The following COX5B variants were observed in gnomAD, a reference collection of about 807,000 sequenced individuals.
COX5B encodes cytochrome c oxidase subunit 5B.
A neutral mutation model predicts 16.2 loss-of-function variants in COX5B; 8 were observed. The observed-to-expected ratio is 0.49, with a 90% CI of 0.29 to 0.89. The LOEUF (loss-of-function observed/expected upper bound fraction) is 0.89. Among genes scored for constraint, COX5B ranks in the 40% least tolerant of loss-of-function variants. COX5B has a pLI of 0.08. For synonymous variants in COX5B, 65 were observed against 67.6 expected, an observed-to-expected ratio of 0.96 and a Z score of 0.19; for missense variants, 161 against 168.7, an observed-to-expected ratio of 0.95 and a Z score of 0.25.
chr2:97,646,944 G>C (rs1674668356), intron 1 of COX5B, 123 bp from the exon 2 acceptor site: 1 of 908,160 alleles, frequency 1.1e-6, no homozygotes, highest in Non-Finnish European at 1.7e-6. Context: ...GCCTTTAGGA[G>C]CTTGTGAGCC....
At chr2:97,646,654 C>G (rs1383280145) in intron 1 of COX5B, 4 of 213,266 alleles carry the variant, frequency 1.9e-5, no homozygotes, top group Non-Finnish European at 2.9e-5. Flanking sequence ...TCAAGACCAG[C>G]CTGGCCAACA....
chr2:97,647,316 TTTG>T, intron 2 of COX5B, 25 bp from the exon 3 acceptor site: 1 of 1,597,276 alleles, frequency 6.3e-7, no homozygotes, highest in Non-Finnish European at 8.5e-7. Flanking sequence ...TTTTTTTTGT[TTTG>T]TTTTGTTTTT....
In COX5B at chr2:97,647,068, T is replaced by C. The variant is rs1328002568; in HGVS notation, c.105T>C (p.Gly35=). ...AAAMRSMASG[G]GVPTDEEQAT... is the part of the protein sequence containing the mutation. ...ATAATTCACGTTATCTTCCTTTAGG[T>C]GGTGTTCCCACTGATGAAGAGCAGG... Residue 35 remains glycine, a splice_region_variant and synonymous_variant, in exon 2 of 4, where the codon GGT becomes GGC. Coordinates refer to ENST00000258424, the MANE Select transcript of COX5B (RefSeq NM_001862.3). 1 of 1,613,978 alleles carries C rather than the reference T, an allele frequency of 6.2e-7. No homozygotes were observed. Among genetic ancestry groups the C allele is most frequent in the Admixed American group, 1.7e-5 (1 of 60,018 alleles).
At chr2:97,647,176 C>A (rs748680287) in intron 2 of COX5B, 36 bp downstream of exon 2, 1 of 1,605,112 alleles carries the variant, frequency 6.2e-7, no homozygotes, top group South Asian at 1.1e-5. Context: ...TTCTGTGTAA[C>A]TTATGGCCTT....
rs997896123 is a variant in COX5B at position 97,647,330 on chromosome 2, T to G, written c.178-14T>G. 8.1e-6 allele frequency: 13 copies of G among 1,604,610 alleles called. No homozygotes were observed. Among genetic ancestry groups the G allele is most frequent in the African/African-American group, 1.4e-5 (1 of 74,028 alleles). ...GTTTTTTTTGTTTTGTTTTGTTTTT[T>G]GTTTTTTCTTCAGGACCCATACAAT... On this transcript the variant is annotated splice_polypyrimidine_tract_variant and intron_variant, in intron 2 of 3. Transcript: ENST00000258424.
chr2:97,646,854 A>C, intron 1 of COX5B: 1 of 445,546 alleles, frequency 2.2e-6, no homozygotes, highest in Admixed American at 3.4e-5. Context: ...GTCTCAAAAA[A>C]GAAAAAAAAA....
chr2:97,646,164 C>T lies in COX5B; in HGVS notation c.78C>T (p.Ala26=), dbSNP rs1221719594. The change falls in exon 1 of 4, where the codon GCC becomes GCT. Residue 26 remains alanine, a synonymous_variant. Coordinates refer to ENST00000258424, the MANE Select transcript of COX5B (RefSeq NM_001862.3). The part of the protein sequence containing the change: ...ALRARGPSGA[A]AMRSMASGGG... ...GGGCTCGCGGCCCCAGTGGCGCGGC[C>T]GCGATGCGCTCCATGGCATCTGGAG... The T allele has an allele frequency of 1.3e-6, 2 of 1,550,964 alleles. No individual in the cohort carries two copies. Among genetic ancestry groups the T allele is most frequent in the African/African-American group, 2.7e-5 (2 of 73,030 alleles).
In COX5B at chr2:97,646,146, C is replaced by T. The variant is rs1344720855; in HGVS notation, c.60C>T (p.Arg20=). Residue 20 remains arginine (R), a synonymous_variant, in exon 1 of 4, where the codon CGC becomes CGT. Transcript: ENST00000258424. Reference sequence around the variant, plus strand: ...TGGCCGCGCAGGCCCTGAGGGCTCGCGGCCCCAGTGGCGCGGCCGCGATGC... The same window carrying T: ...TGGCCGCGCAGGCCCTGAGGGCTCGTGGCCCCAGTGGCGCGGCCGCGATGC... ...GTLAAQALRA[R]GPSGAAAMRS... is the part of the protein sequence containing the mutation. 7.1e-6 allele frequency: 11 copies of T among 1,555,684 alleles called. No individual in the cohort carries two copies. The highest frequency in any genetic ancestry group is 9.6e-6 in the Non-Finnish European group (11 of 1,149,508).
At chr2:97,646,886 T>G in intron 1 of COX5B, 181 bp from the exon 2 acceptor site, 2 of 551,564 alleles carry the variant, frequency 3.6e-6, no homozygotes, top group Admixed American at 3.1e-5. Flanking sequence ...TGCTGCCGCT[T>G]GTGTGGATGG....
rs933306587 is a variant in COX5B at position 97,646,200 on chromosome 2, C to T, written c.103+11C>T. The T allele has an allele frequency of 5.2e-6, 8 of 1,526,762 alleles. No homozygotes were observed. The highest frequency in any genetic ancestry group is 1.4e-5 in the African/African-American group (1 of 72,176). The allele number at this position is 1,526,762 out of a possible 1,614,324, so 94.6% of individuals were successfully genotyped here. ...CCATGGCATCTGGAGGTACTCGGGT[C>T]TCCGGGCGTGCCAGGGACCAGAGTG... On this transcript the variant is annotated intron_variant, in intron 1 of 3. Coordinates refer to ENST00000258424, the MANE Select transcript of COX5B (RefSeq NM_001862.3).
chr2:97,646,198 G>C lies in COX5B; in HGVS notation c.103+9G>C. 1 of 1,527,732 alleles carries C rather than the reference G, an allele frequency of 6.5e-7. No homozygotes were observed. The highest frequency in any genetic ancestry group is 8.8e-7 in the Non-Finnish European group (1 of 1,131,970). 94.6% of individuals were successfully genotyped at this position (1,527,732 alleles called of 1,614,324 possible). A position where few individuals can be genotyped will look rare whatever the true frequency, so the allele number is the denominator to read the frequency against. ...CTCCATGGCATCTGGAGGTACTCGG[G>C]TCTCCGGGCGTGCCAGGGACCAGAG... On this transcript the variant is annotated intron_variant, in intron 1 of 3. Coordinates refer to ENST00000258424, the MANE Select transcript of COX5B (RefSeq NM_001862.3).
rs1573173469 is a variant in COX5B at position 97,646,102 on chromosome 2, C to T, written c.16C>T (p.Leu6Phe). 6.4e-7 allele frequency: 1 copy of T among 1,556,280 alleles called. No homozygotes were observed. Among genetic ancestry groups the T allele is most frequent in the Non-Finnish European group, 8.7e-7 (1 of 1,149,610 alleles). Reference sequence around the variant, plus strand: ...CGCGGACGCAATGGCTTCAAGGTTACTTCGCGGAGCTGGAACGCTGGCCGC... The same window carrying T: ...CGCGGACGCAATGGCTTCAAGGTTATTTCGCGGAGCTGGAACGCTGGCCGC... The part of the protein sequence containing the change: MASRL[L>F]RGAGTLAAQA... The change falls in exon 1 of 4, where the codon CTT (leucine) becomes TTT (phenylalanine). Residue 6 changes from leucine to phenylalanine, a missense_variant. Leu to Phe is a conservative substitution (Grantham distance 22). Transcript: ENST00000258424.
chr2:97,648,167 A>G lies in COX5B; in HGVS notation c.*59A>G. On this transcript the variant is annotated 3_prime_UTR_variant, in exon 4 of 4. Transcript: ENST00000258424. ...AAGTTTCTTCTTTCCAGTAAAGACT[A>G]GCCATTGCATTGGCTCCTTCTCCCA... The G allele has an allele frequency of 1.4e-6, 2 of 1,396,318 alleles. 1 individual carries two copies. The highest frequency in any genetic ancestry group is 2.7e-5 in the South Asian group (2 of 73,790). The allele number at this position is 1,396,318 out of a possible 1,614,324, so 86.5% of individuals were successfully genotyped here.
Position 97,646,117 on chromosome 2 carries a change from A to G in COX5B, c.31A>G (p.Thr11Ala). 1 of 1,557,204 alleles carries G rather than the reference A, an allele frequency of 6.4e-7. No homozygotes were observed. The change falls in exon 1 of 4, where the codon ACG becomes GCG. Residue 11 changes from threonine to alanine, a missense_variant. Physicochemically the swap from Thr to Ala is moderately conservative, Grantham distance 58. Coordinates refer to ENST00000258424, the MANE Select transcript of COX5B (RefSeq NM_001862.3). MASRLLRGAG[T>A]LAAQALRARG... Reference sequence around the variant, plus strand: ...TTCAAGGTTACTTCGCGGAGCTGGAACGCTGGCCGCGCAGGCCCTGAGGGC... The same window carrying G: ...TTCAAGGTTACTTCGCGGAGCTGGAGCGCTGGCCGCGCAGGCCCTGAGGGC...
At position 97,646,063 on chromosome 2, in the gene COX5B, GT is replaced by G. The variant is rs1674645491; in HGVS notation, c.-20del. On this transcript the variant is annotated 5_prime_UTR_variant, in exon 1 of 4. Transcript: ENST00000258424. Reference sequence around the variant, plus strand: ...CTGTCTCTGCAGCTTGTTCCCGGAAGTTTTGCTGCTAGTCGCGGACGCAATG... The same window carrying G: ...CTGTCTCTGCAGCTTGTTCCCGGAAGTTTGCTGCTAGTCGCGGACGCAATG... 3.2e-6 allele frequency: 5 copies of G among 1,538,650 alleles called. No individual in the cohort carries two copies. The highest frequency in any genetic ancestry group is 1.4e-5 in the African/African-American group (1 of 72,892).
intron 1 of COX5B, 88 bp downstream of exon 1, chr2:97,646,277 T>C (rs1674652679): frequency 1.2e-6 from 1 of 840,750 alleles, no homozygotes; most frequent in Admixed American, 2.9e-5. Context: ...CTCGTGCAGC[T>C]TCTCGAGGTC....
In COX5B at chr2:97,646,936, C is replaced by T. The variant is rs1028975858; in HGVS notation, c.104-131C>T. On this transcript the variant is annotated intron_variant, in intron 1 of 3. Transcript: ENST00000258424. ...TTAGGGGACCATGGATATGAGTAGC[C>T]TTTAGGAGCTTGTGAGCCCGCTAAA... 65 of 828,970 alleles carry T rather than the reference C, an allele frequency of 7.8e-5. 1 individual carries two copies. In the East Asian group the frequency reaches 1.8e-3, roughly 22 times the overall value. 51.4% of individuals were successfully genotyped at this position (828,970 alleles called of 1,614,324 possible). A position where few individuals can be genotyped will look rare whatever the true frequency, so the allele number is the denominator to read the frequency against.
rs1041065879 is a variant in COX5B, at chr2:97,646,917, G to C, written c.104-150G>C. The C allele has an allele frequency of 2.6e-5, 18 of 683,486 alleles. No individual in the cohort carries two copies. The South Asian group carries it at 2.9e-4, about 11-fold the overall frequency. 42.3% of individuals were successfully genotyped at this position (683,486 alleles called of 1,614,324 possible). On this transcript the variant is annotated intron_variant, in intron 1 of 3. Transcript: ENST00000258424. ...GATGGGTACTTGGTGGTTCTTAGGG[G>C]ACCATGGATATGAGTAGCCTTTAGG...
intron 1 of COX5B, 31 bp downstream of exon 1, chr2:97,646,220 A>C (rs370115283): frequency 1.4e-6 from 2 of 1,460,702 alleles, no homozygotes; most frequent in African/African-American, 2.8e-5. Flanking sequence ...GCCAGGGACC[A>C]GAGTGTTGCC....
Sources: allele counts gnomAD v4.1 joint callset, GRCh38; gene constraint gnomAD v4.1.1; transcripts MANE v1.5; gene names NCBI Gene and HGNC (gene_info 2026-07-23, HGNC 2026-07-21).